SPSB3: variants seen among roughly 807,000 people sequenced by gnomAD.
SPSB3 encodes the protein SPRY domain-containing SOCS box protein 3.
Under a neutral mutation model 29.5 loss-of-function variants are expected in SPSB3, and 18 were observed. The ratio of observed to expected loss-of-function variants is 0.61; its 90% confidence interval spans 0.42 to 0.91. The LOEUF is 0.91. Among genes scored for constraint, SPSB3 ranks in the 40% least tolerant of loss-of-function variants. The pLI is 0.00. For synonymous variants in SPSB3, 299 were observed against 214.1 expected (o/e 1.40, Z -3.46); for missense variants, 540 against 507.5 (o/e 1.06, Z -0.61).
chr16:1,780,169 CGT>C (rs1468163430), intron 2 of SPSB3: 2 of 152,314 alleles, frequency 1.3e-5, no homozygotes, highest in Admixed American at 6.5e-5. Context: ...AAGCAGCATG[CGT>C]GTGTCAGACA....
rs1348178974 is a variant in SPSB3, at chr16:1,778,448, T to C, written c.291A>G (p.Gly97=). Residue 97 remains glycine (G), a synonymous_variant, in exon 3 of 7, where the codon GGA becomes GGG. Coordinates refer to ENST00000566339, the MANE Select transcript of SPSB3 (RefSeq NM_080861.4). ...CCCCACGCTCACACTCGTCTTCCTC[T>C]CCGCAGCGGCAGTCCCTGCCCCGGT... ...SAHRGRDCRC[G]EEDEYFDWVW... 1.1e-5 allele frequency: 17 copies of C among 1,609,834 alleles called. No individual in the cohort carries two copies. Among genetic ancestry groups the C allele is most frequent in the Non-Finnish European group, 1.4e-5 (16 of 1,178,362 alleles).
intron 1 of SPSB3, chr16:1,782,012 G>C (rs904566829): frequency 5.6e-6 from 1 of 177,614 alleles, no homozygotes; most frequent in African/African-American, 2.4e-5. Context: ...AGGGCTCCTC[G>C]TGAAACACAA....
intron 1 of SPSB3, 140 bp downstream of exon 1, chr16:1,782,362 G>A (rs28364711): frequency 0.12 from 18,088 of 151,698 alleles, 1,228 homozygotes; most frequent in East Asian, 0.29. Flanking sequence ...CGGAGTCGGC[G>A]GCACCGGGGA....
At chr16:1,781,979 CT>C in intron 1 of SPSB3, 1 of 183,866 alleles carries the variant, frequency 5.4e-6, no homozygotes, top group Non-Finnish European at 1.2e-5. Flanking sequence ...CGCAGCTCGC[CT>C]TCCCCTCCGC....
In SPSB3 at chr16:1,777,100, G is replaced by A. The variant is rs759320670; in HGVS notation, c.1065C>T (p.Thr355=). The change falls in exon 7 of 7, where the codon ACC becomes ACT. Residue 355 remains threonine, a synonymous_variant. Coordinates refer to ENST00000566339, the MANE Select transcript of SPSB3 (RefSeq NM_080861.4). ...RPCQRKRCRR[T] Reference sequence around the variant, plus strand: ...GGCAGTTCCACTGGGAAGTCAGTCAGGTCCGGCGGCAGCGCTTCCTCTGGC... The same window carrying A: ...GGCAGTTCCACTGGGAAGTCAGTCAAGTCCGGCGGCAGCGCTTCCTCTGGC... 1.2e-6 allele frequency: 2 copies of A among 1,610,760 alleles called. No individual in the cohort carries two copies. Among genetic ancestry groups the A allele is most frequent in the East Asian group, 2.2e-5 (1 of 44,866 alleles).
At chr16:1,778,390 C>A in intron 3 of SPSB3, 45 bp downstream of exon 3, 2 of 1,606,928 alleles carry the variant, frequency 1.2e-6, no homozygotes, top group Middle Eastern at 1.7e-4. Flanking sequence ...CACCCCCAGG[C>A]CCGCCCGCAG....
chr16:1,778,731 C>T (rs1169994012), intron 2 of SPSB3, 119 bp from the exon 3 acceptor site: 1 of 1,150,626 alleles, frequency 8.7e-7, no homozygotes, highest in Non-Finnish European at 1.2e-6. Flanking sequence ...GGGTCCAGGC[C>T]TCCAGGGACT....
Position 1,781,374 on chromosome 16 carries a change from T to C in SPSB3, c.110A>G (p.Tyr37Cys), listed in dbSNP as rs1896703454. ...VALAGSTNWG[Y>C]DSDGQHSDSD... ...GGAACCTACCTGCCCATCAGAGTCGTAGCCCCAGTTAGTGGAGCCTGCTAG... is the reference window on the plus strand; with the variant it reads ...GGAACCTACCTGCCCATCAGAGTCGCAGCCCCAGTTAGTGGAGCCTGCTAG... Residue 37 changes from tyrosine (Y) to cysteine (C), a missense_variant, in exon 2 of 7, where the codon TAC becomes TGC. Transcript: ENST00000566339. 6.2e-7 allele frequency: 1 copy of C among 1,612,860 alleles called. No individual in the cohort carries two copies. Among genetic ancestry groups the C allele is most frequent in the Non-Finnish European group, 8.5e-7 (1 of 1,179,996 alleles).
At chr16:1,781,269 G>C (rs1322728539) in intron 2 of SPSB3, 89 bp downstream of exon 2, 1 of 1,610,174 alleles carries the variant, frequency 6.2e-7, no homozygotes, top group Non-Finnish European at 8.5e-7. Flanking sequence ...TTCTCCGACT[G>C]ATTCCGTGTT....
At position 1,777,788 on chromosome 16, in the gene SPSB3, C is replaced by T; in HGVS notation, c.680G>A (p.Trp227Ter). 6.2e-7 allele frequency: 1 copy of T among 1,612,866 alleles called. No individual in the cohort carries two copies. Among genetic ancestry groups the T allele is most frequent in the Admixed American group, 1.7e-5 (1 of 60,012 alleles). The change falls in exon 6 of 7, where the codon TGG becomes TAG. Residue 227 changes from tryptophan (W) to a stop codon, truncating the protein, a stop_gained. Transcript: ENST00000566339. LOFTEE classifies it low-confidence loss of function (END_TRUNC). ...GSIIGVHLDT[W>*]HGTLTFFKNR... ...CTTGAAAAAGGTGAGTGTGCCGTGC[C>T]AGGTGTCCAGGTGCACGCCAATGAT...
rs1385834049 is a variant in SPSB3, at chr16:1,777,279, G to A, written c.886C>T (p.Leu296=). 6.2e-7 allele frequency: 1 copy of A among 1,610,506 alleles called. No homozygotes were observed. The highest frequency in any genetic ancestry group is 1.1e-5 in the South Asian group (1 of 91,078). Residue 296 remains leucine, a synonymous_variant, in exon 7 of 7, where the codon CTG becomes TTG. Transcript: ENST00000566339. The stretch of plus-strand genomic sequence containing the variant: ...CCCGGCGGCAGCGGCAGACCCTCCA[G>A]CGTGTCTCCCGAGTCTGGCCGCAGC... ...RQLRPDSGDT[L]EGLPLPPGLK...
Position 1,778,010 on chromosome 16 carries a change from T to C in SPSB3, c.531A>G (p.Lys177=). The C allele has an allele frequency of 1.2e-6, 2 of 1,613,186 alleles. No homozygotes were observed. Among genetic ancestry groups the C allele is most frequent in the East Asian group, 4.5e-5 (2 of 44,858 alleles). ...GIGTSDVDLD[K]YRHTFCSLLG... The stretch of plus-strand genomic sequence containing the variant: ...GCAGGCTGCAGAACGTGTGGCGGTA[T>C]TTGTCCAGGTCCACATCCGACGTCC... The change falls in exon 5 of 7, where the codon AAA becomes AAG. Residue 177 remains lysine, a synonymous_variant. Coordinates refer to ENST00000566339, the MANE Select transcript of SPSB3 (RefSeq NM_080861.4).
At chr16:1,781,182 AAG>A in intron 2 of SPSB3, 174 bp downstream of exon 2, 3 of 1,538,772 alleles carry the variant, frequency 1.9e-6, no homozygotes, top group Non-Finnish European at 2.6e-6. Context: ...TGCCAAATTA[AAG>A]AGTCTTACTG....
chr16:1,782,050 C>T (rs1408529764), intron 1 of SPSB3: 3 of 163,672 alleles, frequency 1.8e-5, no homozygotes, highest in African/African-American at 7.2e-5. Flanking sequence ...GCGCTGGCCG[C>T]TGTTATGGTA....
At chr16:1,781,783 C>T (rs1896726035) in intron 1 of SPSB3, 1 of 458,472 alleles carries the variant, frequency 2.2e-6, no homozygotes, top group Admixed American at 3.8e-5. Flanking sequence ...CCCCGCCCGC[C>T]TGTCCCGCAG....
rs1416570336 is a variant in SPSB3, at chr16:1,777,776, AGT to A, written c.690_691del (p.Leu231HisfsTer161). 6.2e-7 allele frequency: 1 copy of A among 1,612,582 alleles called. No homozygotes were observed. Among genetic ancestry groups the A allele is most frequent in the Non-Finnish European group, 8.5e-7 (1 of 1,179,908 alleles). ...ACACTTCCTGTTCTTGAAAAAGGTG[AGT>A]GTGCCGTGCCAGGTGTCCAGGTGCA... On this transcript the variant is annotated frameshift_variant, in exon 6 of 7. Coordinates refer to ENST00000566339, the MANE Select transcript of SPSB3 (RefSeq NM_080861.4). LOFTEE classifies it low-confidence loss of function (END_TRUNC).
chr16:1,777,430 G>C lies in SPSB3; in HGVS notation c.735C>G (p.Thr245=). 2 of 1,527,152 alleles carry C rather than the reference G, an allele frequency of 1.3e-6. No individual in the cohort carries two copies. The highest frequency in any genetic ancestry group is 1.8e-6 in the Non-Finnish European group (2 of 1,139,110). 94.6% of individuals were successfully genotyped at this position (1,527,152 alleles called of 1,614,324 possible). A position where few individuals can be genotyped will look rare whatever the true frequency, so the allele number is the denominator to read the frequency against. The change falls in exon 7 of 7, where the codon ACC becomes ACG. Residue 245 remains threonine (T), a synonymous_variant. Transcript: ENST00000566339. ...GGTAGAATCTCTTGTTCTGCAGCTT[G>C]GTGGCTGCCACACCTGGAAGGGAGG... is the stretch of plus-strand genomic sequence containing the variant. The part of the protein sequence containing the change: ...KNRKCIGVAA[T]KLQNKRFYPM...
intron 2 of SPSB3, chr16:1,780,366 C>CA (rs1429731359): frequency 2.3e-5 from 3 of 131,668 alleles, no homozygotes; most frequent in Middle Eastern, 3.5e-3. Context: ...CAGGGACCCC[C>CA]ACCCCTCCCA....
At chr16:1,781,803 A>C (rs1263959213) in intron 1 of SPSB3, 21 of 353,332 alleles carry the variant, frequency 5.9e-5, no homozygotes, top group Non-Finnish European at 8.4e-5. Flanking sequence ...GGCATCTAAA[A>C]CCTCCACTCG....
Sources: gnomAD v4.1 joint callset for allele counts on GRCh38, gnomAD v4.1.1 for gene constraint, MANE v1.5 for transcripts, NCBI Gene and HGNC (gene_info 2026-07-23, HGNC 2026-07-21) for gene names.